Variants in ZNF141 observed in about 807,000 individuals in gnomAD.
ZNF141 encodes zinc finger protein 141.
Under a neutral mutation model 11.3 loss-of-function variants are expected in ZNF141, and 7 were observed. The observed-to-expected ratio is 0.62, with a 90% CI of 0.35 to 1.16. The LOEUF is 1.16. Among genes scored for constraint, ZNF141 ranks in the 50% most tolerant of loss-of-function variants. ZNF141 has a pLI of 0.02. For missense variants in ZNF141, 535 were observed against 554.0 expected, an observed-to-expected ratio of 0.97 and a Z score of 0.34; for synonymous variants, 183 against 190.7, an observed-to-expected ratio of 0.96 and a Z score of 0.33.
rs2108661806 is a variant in ZNF141, at chr4:380,214, A to C, written c.*6352A>C. 6.6e-6 allele frequency among the ~76,000 whole-genome samples: 1 copy of C among 152,352 alleles called. No homozygotes were observed. The highest frequency in any genetic ancestry group is 2.4e-5 in the African/African-American group (1 of 41,586). On this transcript the variant is annotated 3_prime_UTR_variant, in exon 4 of 4. Coordinates refer to ENST00000240499, the MANE Select transcript of ZNF141 (RefSeq NM_003441.4). ...TCCTTGTGTATACCACGTTTTTGGA[A>C]AAATACATTCATTTCTTGGTTGAAA...
chr4:350,064 G>A (rs1581592832), intron 3 of ZNF141: 6 of 501,102 alleles, frequency 1.2e-5, no homozygotes, highest in South Asian at 5.9e-5. Flanking sequence ...ATGGCTGGGT[G>A]TGTATCTCCC....
chr4:340,927 T>C (rs1221609641), intron 1 of ZNF141, among the ~76,000 whole-genome samples: 7 of 152,208 alleles, frequency 4.6e-5, no homozygotes, highest in Admixed American at 4.6e-4. Flanking sequence ...TTTAAAAATA[T>C]ACTTGTAACT....
chr4:342,773 T>C (rs1721112202), intron 1 of ZNF141: 2 of 1,513,956 alleles, frequency 1.3e-6, no homozygotes. Context: ...TGATTGTTGT[T>C]GTCCCAGATT....
At chr4:351,356 C>T (rs1471367679) in intron 3 of ZNF141, among the ~76,000 whole-genome samples, 1 of 151,874 alleles carries the variant, frequency 6.6e-6, no homozygotes, top group African/African-American at 2.4e-5. Context: ...GCCTCAGCCT[C>T]CCGAGTAGCT....
chr4:343,015 C>T, intron 1 of ZNF141: 5 of 662,342 alleles, frequency 7.5e-6, no homozygotes, highest in South Asian at 2.5e-5. Context: ...TAAAAAAGTT[C>T]CTTGCATGAT....
In ZNF141 at chr4:373,256, T is replaced by A; in HGVS notation, c.819T>A (p.His273Gln). The A allele has an allele frequency of 6.2e-7, 1 of 1,613,884 alleles. No homozygotes were observed. The highest frequency in any genetic ancestry group is 8.5e-7 in the Non-Finnish European group (1 of 1,179,960). Residue 273 changes from histidine to glutamine, a missense_variant, in exon 4 of 4, where the codon CAT becomes CAA. Physicochemically the swap from His to Gln is conservative, Grantham distance 24. Transcript: ENST00000240499. The stretch of plus-strand genomic sequence containing the variant: ...ATAGGTTCACAACCCTTACTAAACA[T>A]AAGAGAATTCATGCTGGAGAGAAAC... ...AFNRFTTLTK[H>Q]KRIHAGEKPI...
chr4:343,726 A>G, intron 1 of ZNF141, 56 bp from the exon 2 acceptor site: 1 of 469,240 alleles, frequency 2.1e-6, no homozygotes, highest in South Asian at 6.8e-5. Flanking sequence ...CTCCGTCTCA[A>G]AAAAAAAAAA....
At chr4:346,893 A>ACACCCCCCCC (rs373224939) in intron 3 of ZNF141, among the ~76,000 whole-genome samples, 23 of 135,446 alleles carry the variant, frequency 1.7e-4, no homozygotes, top group Non-Finnish European at 2.2e-4. Flanking sequence ...ACACACACAC[A>ACACCCCCCCC]CCGCCCCCCC....
chr4:373,471 G>T lies in ZNF141; in HGVS notation c.1034G>T (p.Gly345Val). The change falls in exon 4 of 4, where the codon GGC (glycine) becomes GTC (valine). Residue 345 changes from glycine to valine, a missense_variant. Transcript: ENST00000240499. ...GEKPYTCEEC[G>V]KAFRQSSKLN... ...AAACCCTACACATGTGAAGAATGTG[G>T]CAAAGCTTTTAGACAGTCCTCAAAA... The T allele has an allele frequency of 6.2e-7, 1 of 1,613,768 alleles. No homozygotes were observed. Among genetic ancestry groups the T allele is most frequent in the Non-Finnish European group, 8.5e-7 (1 of 1,179,950 alleles).
At chr4:344,539 T>A in intron 3 of ZNF141, 109 bp downstream of exon 3, 3 of 850,722 alleles carry the variant, frequency 3.5e-6, no homozygotes, top group Non-Finnish European at 3.6e-6. Context: ...CTCATGCCTG[T>A]AATCCAAGGA....
chr4:378,932 C>T lies in ZNF141; in HGVS notation c.*5070C>T, dbSNP rs1712494301. On this transcript the variant is annotated 3_prime_UTR_variant, in exon 4 of 4. Coordinates refer to ENST00000240499, the MANE Select transcript of ZNF141 (RefSeq NM_003441.4). ...CAATCTCAGCTCATTGCAACCTCCA[C>T]CTCTCGGGTTCAAGCAATTCTCCTG... Among the ~76,000 whole-genome samples the T allele has an allele frequency of 6.8e-6, 1 of 148,100 alleles. No homozygotes were observed. The highest frequency in any genetic ancestry group is 6.8e-5 in the Admixed American group (1 of 14,672).
chr4:364,361 A>T (rs1711625379), intron 3 of ZNF141, among the ~76,000 whole-genome samples: 1 of 152,116 alleles, frequency 6.6e-6, no homozygotes, highest in Non-Finnish European at 1.5e-5. Flanking sequence ...TATTGCCTCA[A>T]TTTCAGAGCC....
intron 3 of ZNF141, among the ~76,000 whole-genome samples, chr4:347,366 GTCTC>G (rs1721383578): frequency 8.3e-6 from 1 of 120,354 alleles, no homozygotes; most frequent in South Asian, 2.7e-4. Flanking sequence ...TTGAGACTGA[GTCTC>G]TCTCTGTCGC....
At chr4:339,989 C>G (rs1224996380) in intron 1 of ZNF141, among the ~76,000 whole-genome samples, 1 of 152,208 alleles carries the variant, frequency 6.6e-6, no homozygotes, top group Non-Finnish European at 1.5e-5. Flanking sequence ...GTCAAGTCTT[C>G]TACTTGAGAG....
Sources: allele counts gnomAD v4.1 joint callset (sites outside exome capture counted in the v4.1 genomes callset), GRCh38; gene constraint gnomAD v4.1.1; transcripts MANE v1.5; gene names NCBI Gene and HGNC (gene_info 2026-07-23, HGNC 2026-07-21).